Variants in CNTN5 observed in about 807,000 individuals in gnomAD.
CNTN5 encodes the protein contactin-5.
In CNTN5, 77 loss-of-function variants were observed where a neutral mutation model predicts 129.1. The observed-to-expected ratio is 0.60, with a 90% CI of 0.50 to 0.72. The LOEUF is 0.72. Ranked by LOEUF, CNTN5 falls within the 30% of genes least tolerant of loss-of-function variation. The probability of loss-of-function intolerance (pLI) is 0.00; values close to 1 mark genes in which losing one functional copy is unlikely to be tolerated. For synonymous variants in CNTN5, 509 were observed against 465.6 expected (o/e 1.09, Z -1.20); for missense variants, 1,478 against 1,328.8 (o/e 1.11, Z -1.75).
intron 6 of CNTN5, among the ~76,000 whole-genome samples, chr11:99,915,045 A>T (rs1949752533): frequency 6.6e-6 from 1 of 152,078 alleles, no homozygotes; most frequent in Non-Finnish European, 1.5e-5. Context: ...ATATTTTAAA[A>T]ATCTATTTTA....
chr11:99,438,275 G>A (rs1357602897), intron 2 of CNTN5, among the ~76,000 whole-genome samples: 1 of 151,950 alleles, frequency 6.6e-6, no homozygotes, highest in Admixed American at 6.6e-5. Context: ...AAAGATTTTT[G>A]AATAGTAATT....
chr11:100,335,605 T>C (rs1296546457), intron 21 of CNTN5, among the ~76,000 whole-genome samples: 1 of 151,982 alleles, frequency 6.6e-6, no homozygotes, highest in Non-Finnish European at 1.5e-5. Flanking sequence ...TCGTCTCTAT[T>C]AAAAATACAA....
intron 1 of CNTN5, among the ~76,000 whole-genome samples, chr11:99,156,603 G>A (rs533733971): frequency 6.6e-6 from 1 of 151,948 alleles, no homozygotes; most frequent in East Asian, 1.9e-4. Flanking sequence ...AAAGTATACT[G>A]CAGACTACAA....
intron 13 of CNTN5, among the ~76,000 whole-genome samples, chr11:100,160,364 A>G (rs527320540): frequency 6.6e-6 from 1 of 152,118 alleles, no homozygotes; most frequent in South Asian, 2.1e-4. Flanking sequence ...TATTGTGAAT[A>G]GTGCTGCAAT....
intron 1 of CNTN5, among the ~76,000 whole-genome samples, chr11:99,066,342 A>G (rs772613925): frequency 5.3e-5 from 8 of 152,048 alleles, no homozygotes; most frequent in Non-Finnish European, 1.0e-4. Flanking sequence ...GAGCTCAGGC[A>G]GTCTGCCTGC....
intron 1 of CNTN5, among the ~76,000 whole-genome samples, chr11:99,050,620 T>A (rs1864388575): frequency 6.6e-6 from 1 of 151,736 alleles, no homozygotes; most frequent in Non-Finnish European, 1.5e-5. Context: ...CCATGTTTGT[T>A]GAAAAAATAA....
At chr11:99,286,608 G>A (rs1863950460) in intron 1 of CNTN5, among the ~76,000 whole-genome samples, 1 of 151,942 alleles carries the variant, frequency 6.6e-6, no homozygotes, top group Non-Finnish European at 1.5e-5. Context: ...TAAAATTTTA[G>A]GTCAGTAGAT....
chr11:100,352,625 A>G (rs1952442224), intron 24 of CNTN5, among the ~76,000 whole-genome samples: 1 of 151,784 alleles, frequency 6.6e-6, no homozygotes, highest in African/African-American at 2.4e-5. Context: ...AATACAAAAC[A>G]TAAGATGGGA....
intron 6 of CNTN5, among the ~76,000 whole-genome samples, chr11:99,848,150 C>T (rs1335548557): frequency 6.6e-6 from 1 of 152,012 alleles, no homozygotes; most frequent in Non-Finnish European, 1.5e-5. Flanking sequence ...GCGGAGCTTG[C>T]AGTGAGCCGA....
intron 3 of CNTN5, among the ~76,000 whole-genome samples, chr11:99,664,746 C>G (rs959475028): frequency 1.3e-5 from 2 of 152,084 alleles, no homozygotes; most frequent in African/African-American, 4.8e-5. Context: ...TAAAATAACT[C>G]AGAGATGCCA....
intron 4 of CNTN5, among the ~76,000 whole-genome samples, chr11:99,840,020 A>G (rs1947432152): frequency 6.6e-6 from 1 of 152,150 alleles, no homozygotes; most frequent in Admixed American, 6.5e-5. Context: ...AGATGACTAC[A>G]CCAAGACATA....
intron 3 of CNTN5, among the ~76,000 whole-genome samples, chr11:99,699,214 C>A (rs1954409130): frequency 6.6e-6 from 1 of 151,360 alleles, no homozygotes; most frequent in Non-Finnish European, 1.5e-5. Context: ...TAAGCAATGA[C>A]ACTTTAAAAT....
intron 3 of CNTN5, among the ~76,000 whole-genome samples, chr11:99,762,572 T>C (rs1025033531): frequency 2.6e-5 from 4 of 152,052 alleles, no homozygotes; most frequent in Non-Finnish European, 5.9e-5. Context: ...GATCAGATAG[T>C]TGTAGATATG....
At chr11:99,926,601 C>A (rs972438234) in intron 7 of CNTN5, among the ~76,000 whole-genome samples, 6 of 152,000 alleles carry the variant, frequency 3.9e-5, no homozygotes, top group African/African-American at 1.4e-4. Context: ...ACTTTTTTGG[C>A]ATCTTTAATC....
At chr11:100,191,102 A>AAC in intron 13 of CNTN5, 24 bp from the exon 14 acceptor site, 1 of 1,559,522 alleles carries the variant, frequency 6.4e-7, no homozygotes, top group African/African-American at 1.4e-5. Flanking sequence ...ACAGAAAAAA[A>AAC]AACTGTTTTT....
intron 3 of CNTN5, among the ~76,000 whole-genome samples, chr11:99,719,150 C>T (rs1247065218): frequency 6.6e-6 from 1 of 152,030 alleles, no homozygotes; most frequent in East Asian, 1.9e-4. Flanking sequence ...GAAACCCCAT[C>T]TCTAGTAAGA....
intron 3 of CNTN5, among the ~76,000 whole-genome samples, chr11:99,717,213 T>A (rs952257200): frequency 6.6e-6 from 1 of 152,112 alleles, no homozygotes; most frequent in Admixed American, 6.6e-5. Context: ...TTTTTAACCT[T>A]GCTATATCTG....
intron 3 of CNTN5, among the ~76,000 whole-genome samples, chr11:99,675,522 A>C (rs1210051160): frequency 6.6e-6 from 1 of 152,090 alleles, no homozygotes; most frequent in Non-Finnish European, 1.5e-5. Context: ...GTTTCTGCTA[A>C]AATATAAAAG....
Position 99,107,938 on chromosome 11 carries a change from T to TAA in CNTN5, c.-210+86689_-210+86690dup, listed in dbSNP as rs55786739. Among the ~76,000 whole-genome samples the TAA allele has an allele frequency of 8.6e-3, 892 of 103,470 alleles. 12 individuals carry two copies. The highest frequency in any genetic ancestry group is 0.03 in the African/African-American group (837 of 27,926). 67.9% of individuals were successfully genotyped at this position (103,470 alleles called of 152,430 possible). On this transcript the variant is annotated intron_variant, in intron 1 of 24. Transcript: ENST00000524871. ...AGAGCGAGACTCAGTCTCAAAAAAG[T>TAA]AAAAAAAAAAAAAAAAAAAAAAGGA...
Sources: gnomAD v4.1 joint callset for allele counts (sites outside exome capture counted in the v4.1 genomes callset) on GRCh38, gnomAD v4.1.1 for gene constraint, MANE v1.5 for transcripts, NCBI Gene and HGNC (gene_info 2026-07-23, HGNC 2026-07-21) for gene names.